The following ZNF385D variants were observed in gnomAD, a reference collection of about 807,000 sequenced individuals.
ZNF385D encodes zinc finger protein 385D, also known as zinc finger protein 659.
In ZNF385D, 15 loss-of-function variants were observed where a neutral mutation model predicts 35.8. The observed-to-expected ratio is 0.42, with a 90% CI of 0.28 to 0.64. The LOEUF is 0.64. Ranked by LOEUF, ZNF385D falls within the 30% of genes least tolerant of loss-of-function variation. ZNF385D has a pLI of 0.23. For synonymous variants in ZNF385D, 212 were observed against 186.8 expected (o/e 1.13, Z -1.10); for missense variants, 474 against 494.6 (o/e 0.96, Z 0.39).
At chr3:21,686,750 G>T (rs1271355484) in intron 1 of ZNF385D, among the ~76,000 whole-genome samples, 4 of 152,158 alleles carry the variant, frequency 2.6e-5, no homozygotes, top group African/African-American at 9.7e-5. Flanking sequence ...AGAACTTAAT[G>T]TGCAATAGTT....
chr3:21,810,998 G>GTGTGTGTATATA (rs576386621), intron 3 of ZNF385D, among the ~76,000 whole-genome samples: 38 of 144,506 alleles, frequency 2.6e-4, no homozygotes, highest in Non-Finnish European at 1.7e-4. Context: ...GTGTGTGTGT[G>GTGTGTGTATATA]TATATATATA....
At chr3:21,945,176 T>A (rs552049) in intron 3 of ZNF385D, among the ~76,000 whole-genome samples, 22,181 of 149,918 alleles carry the variant, frequency 0.15, 2,063 homozygotes, top group East Asian at 0.33. Context: ...ATATATATAG[T>A]GAGAGAGAGA....
intron 3 of ZNF385D, among the ~76,000 whole-genome samples, chr3:21,936,989 G>A (rs912850473): frequency 1.3e-5 from 2 of 152,078 alleles, no homozygotes; most frequent in Non-Finnish European, 2.9e-5. Context: ...AATATTTATG[G>A]ATATAAAAGG....
intron 3 of ZNF385D, among the ~76,000 whole-genome samples, chr3:21,524,544 C>T (rs989261023): frequency 6.6e-6 from 1 of 152,154 alleles, no homozygotes; most frequent in African/African-American, 2.4e-5. Flanking sequence ...CATCCTCACA[C>T]TAAGTTAACT....
chr3:22,066,519 GT>G (rs1465986310), intron 3 of ZNF385D, among the ~76,000 whole-genome samples: 2 of 125,660 alleles, frequency 1.6e-5, no homozygotes, highest in Non-Finnish European at 3.3e-5. Context: ...AAGATACTGG[GT>G]GAGATGGTTC....
intron 3 of ZNF385D, among the ~76,000 whole-genome samples, chr3:21,911,283 C>G (rs1359963275): frequency 2.0e-5 from 3 of 151,852 alleles, no homozygotes; most frequent in Non-Finnish European, 2.9e-5. Flanking sequence ...ATATTTAGCA[C>G]ATGTTGTAAG....
chr3:22,327,200 A>C (rs1022797446), intron 2 of ZNF385D, among the ~76,000 whole-genome samples: 7 of 152,204 alleles, frequency 4.6e-5, no homozygotes, highest in African/African-American at 7.2e-5. Flanking sequence ...AGGATGGGCC[A>C]TAAAAATCCA....
intron 3 of ZNF385D, among the ~76,000 whole-genome samples, chr3:21,963,187 T>G (rs1702694104): frequency 6.6e-6 from 1 of 152,222 alleles, no homozygotes; most frequent in Admixed American, 6.5e-5. Flanking sequence ...AACCGGATGT[T>G]CCACTTATAA....
chr3:21,960,862 G>A (rs1010394324), intron 3 of ZNF385D, among the ~76,000 whole-genome samples: 1 of 152,018 alleles, frequency 6.6e-6, no homozygotes, highest in African/African-American at 2.4e-5. Context: ...CTCACATGTG[G>A]GAGCTAAAAA....
intron 3 of ZNF385D, among the ~76,000 whole-genome samples, chr3:22,167,180 T>C (rs1189647167): frequency 6.6e-6 from 1 of 152,162 alleles, no homozygotes; most frequent in East Asian, 1.9e-4. Context: ...TGTCTTCCCA[T>C]CTGGTGTGCT....
chr3:21,560,842 G>C (rs534999122), intron 3 of ZNF385D, among the ~76,000 whole-genome samples: 58 of 152,242 alleles, frequency 3.8e-4, no homozygotes, highest in Non-Finnish European at 6.5e-4. Context: ...GAGATGCCCT[G>C]CCCAGGGAGG....
At chr3:22,229,762 A>C (rs975037388) in intron 2 of ZNF385D, among the ~76,000 whole-genome samples, 2 of 151,854 alleles carry the variant, frequency 1.3e-5, no homozygotes, top group Non-Finnish European at 2.9e-5. Flanking sequence ...AGATGTCTCC[A>C]CTGCTGGATA....
At chr3:22,061,265 T>C (rs999616468) in intron 3 of ZNF385D, among the ~76,000 whole-genome samples, 1 of 152,202 alleles carries the variant, frequency 6.6e-6, no homozygotes, top group Non-Finnish European at 1.5e-5. Flanking sequence ...AAATATTAAC[T>C]GAATAATATC....
intron 3 of ZNF385D, among the ~76,000 whole-genome samples, chr3:22,077,365 GA>G (rs1700516007): frequency 6.6e-6 from 1 of 151,812 alleles, no homozygotes; most frequent in Admixed American, 6.6e-5. Flanking sequence ...TAGAATAATT[GA>G]AAAATAAGCC....
chr3:22,071,276 T>C (rs114925777), intron 3 of ZNF385D, among the ~76,000 whole-genome samples: 2,220 of 152,292 alleles, frequency 0.015, 56 homozygotes, highest in African/African-American at 0.051. Context: ...ATCATCTTTA[T>C]CAAGCTTCTG....
At chr3:22,294,450 C>T (rs1173894078) in intron 2 of ZNF385D, among the ~76,000 whole-genome samples, 3 of 151,926 alleles carry the variant, frequency 2.0e-5, no homozygotes, top group African/African-American at 7.3e-5. Flanking sequence ...GGGTCCACCC[C>T]CGCATATTTA....
At chr3:21,467,539 G>C (rs954544376) in intron 4 of ZNF385D, among the ~76,000 whole-genome samples, 1 of 152,108 alleles carries the variant, frequency 6.6e-6, no homozygotes, top group Non-Finnish European at 1.5e-5. Context: ...AGCAGAAAGG[G>C]GGCAAGCTGG....
At chr3:22,144,075 TG>T (rs907572731) in intron 3 of ZNF385D, among the ~76,000 whole-genome samples, 7 of 152,186 alleles carry the variant, frequency 4.6e-5, no homozygotes, top group Admixed American at 3.9e-4. Flanking sequence ...ATTTGTATAA[TG>T]TTTTATAAAA....
intron 2 of ZNF385D, among the ~76,000 whole-genome samples, chr3:22,207,208 G>A (rs1189986883): frequency 6.6e-6 from 1 of 151,796 alleles, no homozygotes; most frequent in East Asian, 1.9e-4. Context: ...TATGCAGTAG[G>A]TTGGTACTGG....
Sources: allele counts gnomAD v4.1 joint callset (sites outside exome capture counted in the v4.1 genomes callset), GRCh38; gene constraint gnomAD v4.1.1; transcripts MANE v1.5; gene names NCBI Gene and HGNC (gene_info 2026-07-23, HGNC 2026-07-21).